Variants in ITPK1 observed in about 807,000 individuals in gnomAD.
ITPK1 encodes inositol-tetrakisphosphate 1-kinase.
In ITPK1, 21 loss-of-function variants were observed where a neutral mutation model predicts 45.3. That is an observed-to-expected ratio of 0.46 (90% CI 0.33 to 0.67). ITPK1 has a LOEUF of 0.67. ITPK1 is among the 30% of genes least tolerant of loss of function. The pLI is 0.02. For missense variants in ITPK1, 474 were observed against 573.5 expected (o/e 0.83, Z 1.77); for synonymous variants, 258 against 253.6 (o/e 1.02, Z -0.16).
chr14:93,033,288 G>C (rs1250300804), intron 3 of ITPK1, among the ~76,000 whole-genome samples: 1 of 152,256 alleles, frequency 6.6e-6, no homozygotes, highest in African/African-American at 2.4e-5. Context: ...TGGCACAGCA[G>C]TGCCTCAGGG....
chr14:93,062,369 G>A (rs1890562853), intron 3 of ITPK1, among the ~76,000 whole-genome samples: 1 of 152,042 alleles, frequency 6.6e-6, no homozygotes, highest in Non-Finnish European at 1.5e-5. Context: ...GTTCAAAGCT[G>A]CAGCAAGCTA....
chr14:93,095,577 T>G (rs1316352367), intron 2 of ITPK1, among the ~76,000 whole-genome samples: 4 of 135,316 alleles, frequency 3.0e-5, no homozygotes, highest in Non-Finnish European at 3.1e-5. Context: ...GGACTAGGTT[T>G]TTTTTTTTTT....
At chr14:92,962,628 G>T (rs1323432851) in intron 6 of ITPK1, 123 bp downstream of exon 6, 1 of 825,888 alleles carries the variant, frequency 1.2e-6, no homozygotes, top group Non-Finnish European at 2.1e-6. Flanking sequence ...GGGACCCAGG[G>T]CCATGTGCTC....
At chr14:92,943,966 C>T (rs1254591202) in intron 10 of ITPK1, among the ~76,000 whole-genome samples, 1 of 152,206 alleles carries the variant, frequency 6.6e-6, no homozygotes, top group African/African-American at 2.4e-5. Flanking sequence ...AGCTCCACCA[C>T]GTGACTTTGG....
chr14:92,941,518 T>A lies in ITPK1; in HGVS notation c.*43A>T, dbSNP rs531880921. The A allele has an allele frequency of 1.4e-5, 21 of 1,474,212 alleles. No homozygotes were observed. In the African/African-American group the frequency reaches 2.9e-4, roughly 21 times the overall value. The allele number at this position is 1,474,212 out of a possible 1,614,324, so 91.3% of individuals were successfully genotyped here. ...TTGGGAGCTGCTGGCCCAGCGGGTG[T>A]GCTCTGCGCCCTGCGCTGCCCCTCT... On this transcript the variant is annotated 3_prime_UTR_variant, in exon 11 of 11. Coordinates refer to ENST00000267615, the MANE Select transcript of ITPK1 (RefSeq NM_014216.6).
rs1160778117 is a variant in ITPK1 at position 92,938,651 on chromosome 14, G to A, written c.*2910C>T. 8 of 764,296 alleles carry A rather than the reference G, an allele frequency of 1.0e-5. No homozygotes were observed. Among genetic ancestry groups the A allele is most frequent in the African/African-American group, 5.2e-5 (3 of 58,146 alleles). The allele number at this position is 764,296 out of a possible 1,614,324, so 47.3% of individuals were successfully genotyped here. Reference sequence around the variant, plus strand: ...CCAGGTTGCAGCTGGGTCCAATCCCGCCGGCCATGCTGGGTGACTGCAGGC... The same window carrying A: ...CCAGGTTGCAGCTGGGTCCAATCCCACCGGCCATGCTGGGTGACTGCAGGC... On this transcript the variant is annotated 3_prime_UTR_variant, in exon 11 of 11. Coordinates refer to ENST00000267615, the MANE Select transcript of ITPK1 (RefSeq NM_014216.6).
At chr14:92,975,414 C>T (rs896884933) in intron 5 of ITPK1, among the ~76,000 whole-genome samples, 2 of 152,138 alleles carry the variant, frequency 1.3e-5, no homozygotes, top group Admixed American at 1.3e-4. Context: ...GCAGGAGGCT[C>T]GGTGGGAGCA....
At chr14:93,017,346 A>G (rs1306392227) in intron 3 of ITPK1, among the ~76,000 whole-genome samples, 1 of 152,258 alleles carries the variant, frequency 6.6e-6, no homozygotes, top group Non-Finnish European at 1.5e-5. Context: ...GCGACCAGCC[A>G]CTTGCACTTC....
Position 93,032,936 on chromosome 14 carries a change from C to G in ITPK1, c.121-16135G>C, listed in dbSNP as rs1315362220. 6.6e-6 allele frequency among the ~76,000 whole-genome samples: 1 copy of G among 152,212 alleles called. No homozygotes were observed. On this transcript the variant is annotated intron_variant, in intron 3 of 10. Transcript: ENST00000267615. The surrounding 1 kb of genome is among the most constrained non-coding windows in gnomAD (Gnocchi z 4.0). ...GGGGGTGAGCCCTTTAGCAAAGGAG[C>G]TGGTGGGCTTCATCTCCCTGGGCAG...
At chr14:93,029,518 C>A (rs963392916) in intron 3 of ITPK1, among the ~76,000 whole-genome samples, 2 of 152,174 alleles carry the variant, frequency 1.3e-5, no homozygotes, top group Non-Finnish European at 2.9e-5. Context: ...GCCACCCGAG[C>A]TTCAGCCCCA....
At chr14:92,942,652 G>A (rs994226864) in intron 10 of ITPK1, among the ~76,000 whole-genome samples, 1 of 152,214 alleles carries the variant, frequency 6.6e-6, no homozygotes, top group African/African-American at 2.4e-5. Flanking sequence ...AGCATCACAT[G>A]CTCCCCTTAA....
At chr14:93,059,728 G>A (rs1595178021) in intron 3 of ITPK1, among the ~76,000 whole-genome samples, 1 of 42,434 alleles carries the variant, frequency 2.4e-5, no homozygotes, top group Non-Finnish European at 4.6e-5. Context: ...TGCGGGTCAC[G>A]AGGCAGGGGT....
At chr14:92,984,454 G>A (rs1229993124) in intron 5 of ITPK1, among the ~76,000 whole-genome samples, 1 of 152,160 alleles carries the variant, frequency 6.6e-6, no homozygotes, top group East Asian at 1.9e-4. Flanking sequence ...ATTGAGATGT[G>A]TCTCATAATT....
At chr14:92,961,203 G>A (rs1385729736) in intron 7 of ITPK1, among the ~76,000 whole-genome samples, 1 of 152,242 alleles carries the variant, frequency 6.6e-6, no homozygotes, top group Non-Finnish European at 1.5e-5. Flanking sequence ...ACCCCAACAT[G>A]TGCCCACTGG....
intron 2 of ITPK1, among the ~76,000 whole-genome samples, chr14:93,105,698 T>C (rs1282357004): frequency 3.7e-5 from 5 of 134,900 alleles, no homozygotes. Flanking sequence ...CTAATTTTTG[T>C]GGGGTTTTTT....
chr14:93,056,689 G>A (rs1019177453), intron 3 of ITPK1, among the ~76,000 whole-genome samples: 4 of 152,150 alleles, frequency 2.6e-5, no homozygotes, highest in African/African-American at 9.7e-5. Flanking sequence ...CCACCTCAGA[G>A]CAGTGCCCCT....
At chr14:93,050,214 G>A (rs1162288768) in intron 3 of ITPK1, among the ~76,000 whole-genome samples, 6 of 152,176 alleles carry the variant, frequency 3.9e-5, no homozygotes, top group Non-Finnish European at 7.3e-5. Context: ...AAGCCCGGCG[G>A]ACACACGGGT....
At chr14:93,002,982 T>C (rs575899724) in intron 4 of ITPK1, among the ~76,000 whole-genome samples, 3 of 152,084 alleles carry the variant, frequency 2.0e-5, no homozygotes, top group Non-Finnish European at 4.4e-5. Flanking sequence ...ACACACCCCT[T>C]AGGACAGTAA....
Position 92,941,279 on chromosome 14 carries a change from A to G in ITPK1, c.*282T>C. The G allele has an allele frequency of 7.2e-7, 1 of 1,386,658 alleles. No homozygotes were observed. The highest frequency in any genetic ancestry group is 9.3e-7 in the Non-Finnish European group (1 of 1,075,070). 85.9% of individuals were successfully genotyped at this position (1,386,658 alleles called of 1,614,324 possible). A position where few individuals can be genotyped will look rare whatever the true frequency, so the allele number is the denominator to read the frequency against. On this transcript the variant is annotated 3_prime_UTR_variant, in exon 11 of 11. Transcript: ENST00000267615. Reference sequence around the variant, plus strand: ...CGCACACCCCTCACCTCCCATCCAGACCTAGTGTTGCAAACACAAGCGTGT... The same window carrying G: ...CGCACACCCCTCACCTCCCATCCAGGCCTAGTGTTGCAAACACAAGCGTGT...
Sources: allele counts gnomAD v4.1 joint callset (sites outside exome capture counted in the v4.1 genomes callset), GRCh38; gene constraint gnomAD v4.1.1; non-coding constraint Gnocchi (gnomAD v3.1); transcripts MANE v1.5; gene names NCBI Gene and HGNC (gene_info 2026-07-23, HGNC 2026-07-21).